The following KIAA1217 variants were observed in gnomAD, a reference collection of about 807,000 sequenced individuals.
KIAA1217 encodes sickle tail protein homolog.
KIAA1217 carries 88 observed loss-of-function variants against 163.9 expected under a neutral mutation model. The ratio of observed to expected loss-of-function variants is 0.54; its 90% CI spans 0.45 to 0.64. The LOEUF (loss-of-function observed/expected upper bound fraction) is 0.64, where lower values mean the gene tolerates loss of function less well. Among genes scored for constraint, KIAA1217 ranks in the 30% least tolerant of loss-of-function variants. KIAA1217 has a pLI of 0.00. For missense variants in KIAA1217, 2,372 were observed against 2,475.0 expected, an observed-to-expected ratio of 0.96 and a Z score of 0.88; for synonymous variants, 903 against 923.1, an observed-to-expected ratio of 0.98 and a Z score of 0.39.
upstream of KIAA1217, among the ~76,000 whole-genome samples, chr10:24,206,461 T>A (rs1198223327): frequency 2.0e-5 from 3 of 152,202 alleles, no homozygotes; most frequent in African/African-American, 7.2e-5. Flanking sequence ...ACAGCTACTG[T>A]TTTCCAGAGA....
At chr10:24,056,164 T>A (rs2060523954) in intron 2 of KIAA1217, among the ~76,000 whole-genome samples, 2 of 151,976 alleles carry the variant, frequency 1.3e-5, no homozygotes, top group Admixed American at 1.3e-4. Flanking sequence ...AATAAGGAAA[T>A]CTTGAGTCCA....
At chr10:23,993,008 C>A (rs1846285542) in intron 1 of KIAA1217, among the ~76,000 whole-genome samples, 4 of 146,562 alleles carry the variant, frequency 2.7e-5, no homozygotes. Context: ...TCCCCATGAA[C>A]AAAGGTACTC....
In KIAA1217 at chr10:23,913,812, C is replaced by T. The variant is rs1842534165; in HGVS notation, c.-320-93413C>T. 2.0e-5 allele frequency among the ~76,000 whole-genome samples: 3 copies of T among 152,074 alleles called. No homozygotes were observed. The South Asian group carries it at 6.2e-4, about 32-fold the overall frequency. ...TTACACACTGGGAAGGTGGACAATC[C>T]CATGGGGGAGTCTCTTTGGGGGTTG... On this transcript the variant is annotated intron_variant, in intron 1 of 18. Coordinates refer to the KIAA1217 transcript ENST00000376462.
At chr10:24,475,049 T>C (rs957354966) in intron 6 of KIAA1217, among the ~76,000 whole-genome samples, 1 of 152,074 alleles carries the variant, frequency 6.6e-6, no homozygotes, top group African/African-American at 2.4e-5. Context: ...TGAAAATCCA[T>C]CTCTATTAAA....
intron 1 of KIAA1217, among the ~76,000 whole-genome samples, chr10:23,881,796 C>T (rs1420785309): frequency 1.3e-5 from 2 of 151,862 alleles, no homozygotes; most frequent in African/African-American, 4.8e-5. Flanking sequence ...CTTCTTGTAG[C>T]ATTAGAACCT....
At chr10:24,541,023 C>T (rs563767587) in intron 17 of KIAA1217, among the ~76,000 whole-genome samples, 17 of 151,960 alleles carry the variant, frequency 1.1e-4, no homozygotes, top group Non-Finnish European at 2.2e-4. Flanking sequence ...CCCACCTTAG[C>T]CTCCCAAAGT....
intron 1 of KIAA1217, among the ~76,000 whole-genome samples, chr10:23,830,064 C>T (rs1838102895): frequency 6.6e-6 from 1 of 152,156 alleles, no homozygotes; most frequent in South Asian, 2.1e-4. Flanking sequence ...TTTCTCTACT[C>T]CAAGTGTTAC....
chr10:24,324,707 C>A (rs2044640608), intron 2 of KIAA1217, among the ~76,000 whole-genome samples: 1 of 152,022 alleles, frequency 6.6e-6, no homozygotes, highest in Non-Finnish European at 1.5e-5. Flanking sequence ...ATTTTATAGT[C>A]CTGCTTTTTC....
In KIAA1217 at chr10:23,790,660, T is replaced by TAC. The variant is rs1314249790; in HGVS notation, c.-321+95428_-321+95429dup. ...ACATGTATACATATGTGTATATATATACATATATATCATATATATAATATG... is the reference window on the plus strand; with the variant it reads ...ACATGTATACATATGTGTATATATATACACATATATATCATATATATAATATG... On this transcript the variant is annotated intron_variant, in intron 1 of 18. Coordinates refer to the KIAA1217 transcript ENST00000376462. 8.0e-5 allele frequency among the ~76,000 whole-genome samples: 11 copies of TAC among 137,854 alleles called. 1 individual carries two copies. Among genetic ancestry groups the TAC allele is most frequent in the Non-Finnish European group, 1.4e-4 (9 of 66,488 alleles). 90.4% of individuals were successfully genotyped at this position (137,854 alleles called of 152,430 possible). A position where few individuals can be genotyped will look rare whatever the true frequency, so the allele number is the denominator to read the frequency against.
intron 1 of KIAA1217, among the ~76,000 whole-genome samples, chr10:23,956,482 G>T (rs1235371220): frequency 6.6e-6 from 1 of 151,972 alleles, no homozygotes; most frequent in African/African-American, 2.4e-5. Context: ...AAAAAAAAAT[G>T]TCTACAGCAG....
chr10:23,793,654 G>T (rs1263204085), intron 1 of KIAA1217, among the ~76,000 whole-genome samples: 2 of 152,190 alleles, frequency 1.3e-5, no homozygotes, highest in African/African-American at 4.8e-5. Flanking sequence ...TGCTAACCAT[G>T]CACATTTTTT....
intron 1 of KIAA1217, among the ~76,000 whole-genome samples, chr10:23,807,772 G>T (rs2130974139): frequency 6.6e-6 from 1 of 152,328 alleles, no homozygotes; most frequent in Non-Finnish European, 1.5e-5. Context: ...TCAGAAATGA[G>T]GAGGGAACTC....
chr10:24,520,649 A>AT (rs1475430408), intron 11 of KIAA1217, among the ~76,000 whole-genome samples: 221 of 67,438 alleles, frequency 3.3e-3, no homozygotes, highest in Non-Finnish European at 4.0e-3. Context: ...AAAAAAAAAA[A>AT]AAATATATAT....
intron 1 of KIAA1217, among the ~76,000 whole-genome samples, chr10:23,963,588 A>G (rs1844917939): frequency 6.6e-6 from 1 of 152,166 alleles, no homozygotes; most frequent in African/African-American, 2.4e-5. Flanking sequence ...AGGTGCATGC[A>G]TCTTTATAGT....
chr10:24,531,197 T>C (rs1185616684), intron 14 of KIAA1217, among the ~76,000 whole-genome samples: 2 of 152,124 alleles, frequency 1.3e-5, no homozygotes, highest in African/African-American at 2.4e-5. Context: ...AGTGAGACCC[T>C]ATCTACAAAA....
rs542279991 is a variant in KIAA1217 at position 24,443,926 on chromosome 10, GC to G, written c.846+5448del. Among the ~76,000 whole-genome samples, 775 of 152,262 alleles carry G rather than the reference GC, an allele frequency of 5.1e-3. 10 individuals are homozygous for G. Among genetic ancestry groups the G allele is most frequent in the African/African-American group, 0.018 (746 of 41,538 alleles). Reference sequence around the variant, plus strand: ...TGGTAAAATGTTGAAAAATGTCAAAGCTGGATGATGGGGGTACCTTTTATTG... The same window carrying G: ...TGGTAAAATGTTGAAAAATGTCAAAGTGGATGATGGGGGTACCTTTTATTG... On this transcript the variant is annotated intron_variant, in intron 5 of 20. Coordinates refer to ENST00000376454, the MANE Select transcript of KIAA1217 (RefSeq NM_019590.5).
intron 5 of KIAA1217, among the ~76,000 whole-genome samples, chr10:24,470,957 C>T (rs1022189615): frequency 3.9e-5 from 6 of 152,142 alleles, no homozygotes; most frequent in Non-Finnish European, 8.8e-5. Context: ...AGAAGGTGCC[C>T]TCTCCATGGC....
At chr10:24,480,914 A>ATC (rs2064599185) in intron 6 of KIAA1217, among the ~76,000 whole-genome samples, 1 of 152,186 alleles carries the variant, frequency 6.6e-6, no homozygotes, top group African/African-American at 2.4e-5. Context: ...AGGGTTGCAC[A>ATC]TCTGCTTGGG....
At chr10:23,912,481 C>G (rs1842476039) in intron 1 of KIAA1217, among the ~76,000 whole-genome samples, 1 of 152,076 alleles carries the variant, frequency 6.6e-6, no homozygotes, top group Admixed American at 6.6e-5. Flanking sequence ...ACCCTCACCC[C>G]TCTCCTACTT....
Sources: gnomAD v4.1 joint callset for allele counts (sites outside exome capture counted in the v4.1 genomes callset) on GRCh38, gnomAD v4.1.1 for gene constraint, MANE v1.5 for transcripts, NCBI Gene and HGNC (gene_info 2026-07-23, HGNC 2026-07-21) for gene names.